The following ATR variants were observed in gnomAD, a reference collection of about 807,000 sequenced individuals.
ATR encodes the protein ATR checkpoint kinase, also known as serine/threonine-protein kinase ATR.
ATR carries 142 observed loss-of-function variants against 305.3 expected under a neutral mutation model. The observed-to-expected ratio is 0.47, with a 90% CI of 0.41 to 0.53. The LOEUF is 0.53. Ranked by LOEUF, ATR falls within the 20% of genes least tolerant of loss-of-function variation. The probability of loss-of-function intolerance (pLI) is 0.00; values close to 1 mark genes in which losing one functional copy is unlikely to be tolerated. For missense variants in ATR, 2,135 were observed against 3,133.1 expected, an observed-to-expected ratio of 0.68 and a Z score of 7.60; for synonymous variants, 1,050 against 1,068.1, an observed-to-expected ratio of 0.98 and a Z score of 0.33.
At chr3:142,548,127 C>A (rs1174734420) in intron 15 of ATR, among the ~76,000 whole-genome samples, 1 of 152,118 alleles carries the variant, frequency 6.6e-6, no homozygotes, top group Non-Finnish European at 1.5e-5. Flanking sequence ...AGTGATCCAA[C>A]TTTATTTAGA....
At chr3:142,524,434 T>G (rs1030832117) in intron 21 of ATR, among the ~76,000 whole-genome samples, 4 of 152,184 alleles carry the variant, frequency 2.6e-5, no homozygotes, top group Non-Finnish European at 4.4e-5. Flanking sequence ...CATTAATCCA[T>G]TAAACAAGCA....
chr3:142,484,879 T>C (rs1045045094), intron 36 of ATR, among the ~76,000 whole-genome samples: 1 of 152,188 alleles, frequency 6.6e-6, no homozygotes, highest in African/African-American at 2.4e-5. Flanking sequence ...ATGATTGCTG[T>C]GTTGGTGTGA....
chr3:142,534,937 T>C, intron 21 of ATR, 143 bp downstream of exon 21: 1 of 933,336 alleles, frequency 1.1e-6, no homozygotes, highest in Middle Eastern at 3.5e-4. Flanking sequence ...GGATTCCTAA[T>C]TCTCAGTCAG....
intron 35 of ATR, among the ~76,000 whole-genome samples, chr3:142,492,234 A>G (rs1347903562): frequency 6.6e-6 from 1 of 152,122 alleles, no homozygotes; most frequent in Non-Finnish European, 1.5e-5. Flanking sequence ...TGAATGCTCC[A>G]TATTATGCAA....
chr3:142,522,521 T>C (rs954203302), intron 23 of ATR, among the ~76,000 whole-genome samples: 1 of 152,182 alleles, frequency 6.6e-6, no homozygotes, highest in South Asian at 2.1e-4. Context: ...TATATTTGTA[T>C]ATACATACAA....
At chr3:142,540,374 C>T (rs2034006810) in intron 18 of ATR, among the ~76,000 whole-genome samples, 2 of 152,134 alleles carry the variant, frequency 1.3e-5, no homozygotes, top group Non-Finnish European at 2.9e-5. Context: ...TACATACAAA[C>T]ATCTCTGGTC....
chr3:142,523,574 T>A (rs1245546679), intron 22 of ATR, among the ~76,000 whole-genome samples: 2 of 152,200 alleles, frequency 1.3e-5, no homozygotes, highest in African/African-American at 4.8e-5. Flanking sequence ...CACAGATACA[T>A]TAAAAGTCAC....
At chr3:142,539,309 G>A (rs1011228049) in intron 18 of ATR, among the ~76,000 whole-genome samples, 1 of 152,040 alleles carries the variant, frequency 6.6e-6, no homozygotes, top group East Asian at 1.9e-4. Context: ...GTCAGAGGCA[G>A]GAAATGTTCA....
chr3:142,571,055 G>C (rs1282111957), intron 1 of ATR, among the ~76,000 whole-genome samples: 3 of 152,146 alleles, frequency 2.0e-5, no homozygotes, highest in Non-Finnish European at 4.4e-5. Context: ...CATAAACATA[G>C]AAAGAATGGA....
At chr3:142,547,068 A>G (rs1339280173) in intron 16 of ATR, among the ~76,000 whole-genome samples, 1 of 152,210 alleles carries the variant, frequency 6.6e-6, no homozygotes, top group Non-Finnish European at 1.5e-5. Context: ...TATTTTGCCA[A>G]CAGTCCTTTA....
intron 16 of ATR, among the ~76,000 whole-genome samples, chr3:142,546,331 T>C (rs532440872): frequency 8.5e-5 from 13 of 152,322 alleles, no homozygotes; most frequent in East Asian, 1.9e-4. Context: ...CTGTGGTTTG[T>C]AGTACCTGGG....
intron 42 of ATR, among the ~76,000 whole-genome samples, chr3:142,461,372 C>T (rs1366124414): frequency 6.6e-6 from 1 of 152,082 alleles, no homozygotes; most frequent in Admixed American, 6.6e-5. Context: ...AAGAACTATT[C>T]CCACTTCCCT....
Position 142,512,244 on chromosome 3 carries a change from A to G in ATR, c.4852+16T>C, listed in dbSNP as rs1476955310. The G allele has an allele frequency of 1.3e-6, 2 of 1,586,808 alleles. No individual in the cohort carries two copies. Among genetic ancestry groups the G allele is most frequent in the South Asian group, 1.1e-5 (1 of 88,974 alleles). On this transcript the variant is annotated intron_variant, in intron 27 of 46. Transcript: ENST00000350721. ...CTAAAAAAAAAAAAAAAAAAGAAACAGAAGTGATAACTCACCCATTGAGTC... is the reference window on the plus strand; with the variant it reads ...CTAAAAAAAAAAAAAAAAAAGAAACGGAAGTGATAACTCACCCATTGAGTC...
chr3:142,511,221 A>C (rs539460415), intron 27 of ATR, among the ~76,000 whole-genome samples: 13 of 151,432 alleles, frequency 8.6e-5, no homozygotes, highest in Admixed American at 3.9e-4. Context: ...CACACACACA[A>C]AAACTGAGGA....
chr3:142,453,440 G>A (rs1235540535), intron 45 of ATR, among the ~76,000 whole-genome samples: 1 of 152,060 alleles, frequency 6.6e-6, no homozygotes, highest in African/African-American at 2.4e-5. Flanking sequence ...AAGATAGAGG[G>A]GAGTCAGAGG....
At chr3:142,484,015 A>T (rs3922730) in intron 36 of ATR, among the ~76,000 whole-genome samples, 95,675 of 151,798 alleles carry the variant, frequency 0.63, 31,106 homozygotes, top group African/African-American at 0.79. Flanking sequence ...CAGGCTGTGG[A>T]ATTATAATAC....
chr3:142,493,073 C>A, intron 35 of ATR, 59 bp downstream of exon 35: 1 of 1,576,350 alleles, frequency 6.3e-7, no homozygotes, highest in Non-Finnish European at 8.7e-7. Context: ...GCCATATAGA[C>A]TTAAGTCATT....
At chr3:142,519,231 A>G (rs1315671538) in intron 24 of ATR, among the ~76,000 whole-genome samples, 4 of 152,190 alleles carry the variant, frequency 2.6e-5, no homozygotes, top group African/African-American at 4.8e-5. Context: ...AGCATAAATC[A>G]TAGTGAAAAA....
chr3:142,460,784 AC>A (rs771866324), intron 42 of ATR, among the ~76,000 whole-genome samples: 2 of 152,184 alleles, frequency 1.3e-5, no homozygotes, highest in Non-Finnish European at 2.9e-5. Flanking sequence ...AACTTTAAAA[AC>A]GTCTTATTTT....
Sources: allele counts gnomAD v4.1 joint callset (sites outside exome capture counted in the v4.1 genomes callset), GRCh38; gene constraint gnomAD v4.1.1; transcripts MANE v1.5; gene names NCBI Gene and HGNC (gene_info 2026-07-23, HGNC 2026-07-21).